Variants in EHBP1 observed in about 807,000 individuals in gnomAD.
The protein encoded by EHBP1 is EH domain-binding protein 1.
Under a neutral mutation model 144.0 loss-of-function variants are expected in EHBP1, and 55 were observed. That is an observed-to-expected ratio of 0.38 (90% CI 0.31 to 0.48). The LOEUF (loss-of-function observed/expected upper bound fraction) is 0.48, where lower values mean the gene tolerates loss of function less well. EHBP1 is among the 20% of genes least tolerant of loss of function. The pLI is 0.98. For synonymous variants in EHBP1, 469 were observed against 472.7 expected (o/e 0.99, Z 0.10); for missense variants, 1,200 against 1,364.2 (o/e 0.88, Z 1.90).
intron 14 of EHBP1, among the ~76,000 whole-genome samples, chr2:62,977,929 TAAATA>T (rs2153192355): frequency 6.6e-6 from 1 of 152,048 alleles, no homozygotes; most frequent in East Asian, 1.9e-4. Flanking sequence ...GAGTAGAAAT[TAAATA>T]AGGTGAGAGA....
At chr2:62,886,796 T>C (rs1269349985) in intron 10 of EHBP1, among the ~76,000 whole-genome samples, 5 of 152,212 alleles carry the variant, frequency 3.3e-5, no homozygotes, top group African/African-American at 9.7e-5. Context: ...CTTCCTTCAG[T>C]GTGTCTGACT....
At chr2:62,771,456 A>G in intron 5 of EHBP1, 64 bp downstream of exon 5, 1 of 1,239,998 alleles carries the variant, frequency 8.1e-7, no homozygotes, top group South Asian at 1.8e-5. Context: ...TTATTAAGGT[A>G]CATTGGCATT....
chr2:63,032,276 A>AT (rs1384957499), intron 19 of EHBP1, among the ~76,000 whole-genome samples: 8 of 150,880 alleles, frequency 5.3e-5, no homozygotes, highest in African/African-American at 1.9e-4. Flanking sequence ...AAAAAAAAAA[A>AT]GGTCAGTTCA....
At chr2:62,906,308 G>C (rs1050410847) in intron 10 of EHBP1, among the ~76,000 whole-genome samples, 36 of 152,108 alleles carry the variant, frequency 2.4e-4, no homozygotes, top group African/African-American at 9.7e-5. Flanking sequence ...CCAGTGATCT[G>C]TTTGTCTATC....
chr2:62,699,736 T>C (rs907009315), intron 1 of EHBP1, among the ~76,000 whole-genome samples: 1 of 152,258 alleles, frequency 6.6e-6, no homozygotes, highest in Non-Finnish European at 1.5e-5. Flanking sequence ...TTGAATATCA[T>C]TGTTGCCTGC....
chr2:62,917,096 G>A (rs957258286), intron 10 of EHBP1, among the ~76,000 whole-genome samples: 1 of 152,070 alleles, frequency 6.6e-6, no homozygotes, highest in East Asian at 1.9e-4. Flanking sequence ...TGTACTACAC[G>A]ACTAGGTTAT....
At position 62,959,577 on chromosome 2, in the gene EHBP1, A is replaced by G. The variant is rs182667626; in HGVS notation, c.2460+3917A>G. Among the ~76,000 whole-genome samples the G allele has an allele frequency of 1.2e-3, 176 of 152,280 alleles. 1 individual carries two copies. The highest frequency in any genetic ancestry group is 4.1e-3 in the African/African-American group (170 of 41,576). On this transcript the variant is annotated intron_variant, in intron 14 of 22. Transcript: ENST00000431489. ...TTTAAATAATAGCCATTGAACAAGC[A>G]TGGAGTGACATCTCATTGTGATCTT...
intron 1 of EHBP1, among the ~76,000 whole-genome samples, chr2:62,697,944 G>A (rs1387050796): frequency 1.3e-5 from 2 of 152,154 alleles, no homozygotes; most frequent in East Asian, 1.9e-4. Flanking sequence ...CATTATACAC[G>A]CTGTGCAGCA....
chr2:62,977,521 C>T (rs1004898035), intron 14 of EHBP1, among the ~76,000 whole-genome samples: 1 of 152,146 alleles, frequency 6.6e-6, no homozygotes, highest in Non-Finnish European at 1.5e-5. Context: ...GTTTGCCCCT[C>T]AGCCAAAAAT....
intron 7 of EHBP1, among the ~76,000 whole-genome samples, chr2:62,854,479 C>G (rs149821128): frequency 2.6e-3 from 391 of 152,328 alleles, no homozygotes; most frequent in African/African-American, 9.0e-3. Flanking sequence ...AGACATACAA[C>G]TCTTCCTTTC....
In EHBP1 at chr2:62,751,240, A is replaced by C. The variant is rs188506099; in HGVS notation, c.162+3788A>C. On this transcript the variant is annotated intron_variant, in intron 3 of 22. Coordinates refer to ENST00000431489, the MANE Select transcript of EHBP1 (RefSeq NM_001142616.3). ...GGCCTTTTCTGCATCTATTGAGATA[A>C]TCATGTGGTTTTTGTCTTTGGTTCT... Among the ~76,000 whole-genome samples, 620 of 152,334 alleles carry C rather than the reference A, an allele frequency of 4.1e-3. 3 individuals are homozygous for C. The highest frequency in any genetic ancestry group is 7.9e-3 in the Non-Finnish European group (537 of 68,030).
At chr2:62,941,419 G>T (rs2056750401) in intron 10 of EHBP1, among the ~76,000 whole-genome samples, 2 of 152,060 alleles carry the variant, frequency 1.3e-5, no homozygotes, top group Non-Finnish European at 2.9e-5. Flanking sequence ...TTTCAGCATT[G>T]ACTTTGTAGA....
chr2:62,904,361 G>C lies in EHBP1; in HGVS notation c.1185+29829G>C, dbSNP rs527631015. On this transcript the variant is annotated intron_variant, in intron 10 of 22. Transcript: ENST00000431489. ...CCTTCTCTTCCATTCCTTTATGGCT[G>C]CACCTGTAGGCCTTTTATCTAGAAT... Among the ~76,000 whole-genome samples, 4 of 152,244 alleles carry C rather than the reference G, an allele frequency of 2.6e-5. No individual in the cohort carries two copies. The South Asian group carries it at 6.2e-4, about 24-fold the overall frequency.
intron 1 of EHBP1, among the ~76,000 whole-genome samples, chr2:62,690,630 A>C (rs904689162): frequency 6.6e-6 from 1 of 152,174 alleles, no homozygotes; most frequent in Non-Finnish European, 1.5e-5. Context: ...AACAAATACC[A>C]CTTACAAAGC....
intron 10 of EHBP1, among the ~76,000 whole-genome samples, chr2:62,898,694 A>G (rs921984973): frequency 4.6e-5 from 7 of 152,112 alleles, no homozygotes; most frequent in Non-Finnish European, 1.0e-4. Flanking sequence ...TGCAATAGGT[A>G]CTCAATAAAT....
intron 14 of EHBP1, among the ~76,000 whole-genome samples, chr2:62,963,465 A>G (rs980154757): frequency 5.3e-5 from 8 of 152,192 alleles, no homozygotes; most frequent in Non-Finnish European, 1.2e-4. Flanking sequence ...CGTAGTTTTC[A>G]TATATATGTG....
rs141670000 is a variant in EHBP1, at chr2:62,993,557, C to T, written c.2761C>T (p.Arg921Ter). 1.3e-6 allele frequency: 2 copies of T among 1,594,730 alleles called. No homozygotes were observed. The highest frequency in any genetic ancestry group is 1.7e-6 in the Non-Finnish European group (2 of 1,167,790). The change falls in exon 17 of 23, where the codon CGA becomes TGA. Residue 921 changes from arginine to a stop codon, truncating the protein, a stop_gained. Transcript: ENST00000431489. LOFTEE classifies it high-confidence loss of function. The stretch of plus-strand genomic sequence containing the variant: ...TGGCACAGAAGATCTCCGGACTGAA[C>T]GATTACAAAAAACAACAGAACGTTT... ...KSGTEDLRTE[R>*]LQKTTERFRN...
At chr2:62,986,506 G>A (rs557100340) in intron 15 of EHBP1, among the ~76,000 whole-genome samples, 15 of 148,610 alleles carry the variant, frequency 1.0e-4, no homozygotes, top group African/African-American at 3.2e-4. Flanking sequence ...GCAGTGGCGC[G>A]ATCTCGGCTC....
chr2:62,869,728 G>T (rs575464629), intron 9 of EHBP1, among the ~76,000 whole-genome samples: 38 of 152,276 alleles, frequency 2.5e-4, no homozygotes, highest in Non-Finnish European at 4.9e-4. Context: ...TTTCACACTT[G>T]CATGCATGCA....
Sources: gnomAD v4.1 joint callset for allele counts (sites outside exome capture counted in the v4.1 genomes callset) on GRCh38, gnomAD v4.1.1 for gene constraint, MANE v1.5 for transcripts, NCBI Gene and HGNC (gene_info 2026-07-23, HGNC 2026-07-21) for gene names.